MTSS1: variants seen among roughly 807,000 people sequenced by gnomAD.
MTSS1 encodes the protein protein MTSS 1.
In MTSS1, 18 loss-of-function variants were observed where a neutral mutation model predicts 79.0. The observed-to-expected ratio is 0.23, with a 90% CI of 0.16 to 0.34. The LOEUF (loss-of-function observed/expected upper bound fraction) is 0.34. MTSS1 is among the 10% of genes least tolerant of loss of function. The pLI is 1.00. For missense variants in MTSS1, 815 were observed against 986.2 expected, an observed-to-expected ratio of 0.83 and a Z score of 2.33; for synonymous variants, 341 against 368.6, an observed-to-expected ratio of 0.93 and a Z score of 0.86.
chr8:124,621,303 T>C (rs1414155090), intron 3 of MTSS1, among the ~76,000 whole-genome samples: 1 of 152,194 alleles, frequency 6.6e-6, no homozygotes, highest in African/African-American at 2.4e-5. Context: ...TGGTCTTAGG[T>C]TTTGTTTGAG....
chr8:124,554,583 G>A (rs890606257), intron 13 of MTSS1, among the ~76,000 whole-genome samples: 8 of 152,212 alleles, frequency 5.3e-5, no homozygotes, highest in African/African-American at 1.9e-4. Flanking sequence ...TGCCTGACTT[G>A]TGTGTGCAGT....
intron 3 of MTSS1, among the ~76,000 whole-genome samples, chr8:124,612,906 A>G (rs1288117338): frequency 6.6e-6 from 1 of 152,160 alleles, no homozygotes; most frequent in African/African-American, 2.4e-5. Context: ...CAGCCCCACT[A>G]AACAAGTGGA....
chr8:124,633,846 G>T (rs932627664), intron 3 of MTSS1, among the ~76,000 whole-genome samples: 1 of 151,316 alleles, frequency 6.6e-6, no homozygotes, highest in Non-Finnish European at 1.5e-5. Flanking sequence ...TCCTAGTACC[G>T]CCTAAATTTC....
At chr8:124,725,353 T>TC (rs1365576627) in intron 1 of MTSS1, among the ~76,000 whole-genome samples, 15 of 37,864 alleles carry the variant, frequency 4.0e-4, no homozygotes, top group Non-Finnish European at 5.4e-4. Context: ...TTGAAATTAT[T>TC]CCTTTTATTG....
intron 3 of MTSS1, among the ~76,000 whole-genome samples, chr8:124,641,072 A>AC (rs1375111884): frequency 1.3e-5 from 2 of 151,868 alleles, no homozygotes; most frequent in African/African-American, 4.8e-5. Flanking sequence ...AAAAAAAAAA[A>AC]CAAGTCTGGG....
At chr8:124,574,925 T>C (rs1357977970) in intron 6 of MTSS1, among the ~76,000 whole-genome samples, 3 of 152,142 alleles carry the variant, frequency 2.0e-5, no homozygotes, top group South Asian at 4.1e-4. Flanking sequence ...ACCTCACCAA[T>C]CAGGGTGTGT....
At chr8:124,617,939 G>T (rs1812717752) in intron 3 of MTSS1, among the ~76,000 whole-genome samples, 1 of 152,154 alleles carries the variant, frequency 6.6e-6, no homozygotes, top group Non-Finnish European at 1.5e-5. Flanking sequence ...TGGCACATTA[G>T]CCCTCATTAC....
intron 3 of MTSS1, among the ~76,000 whole-genome samples, chr8:124,696,969 G>A (rs763790094): frequency 3.3e-5 from 5 of 152,124 alleles, no homozygotes; most frequent in Non-Finnish European, 4.4e-5. Flanking sequence ...CTTCTGCAGT[G>A]AGGCTCTTTG....
intron 6 of MTSS1, among the ~76,000 whole-genome samples, chr8:124,583,840 T>C (rs925975091): frequency 1.1e-4 from 17 of 152,198 alleles, no homozygotes; most frequent in African/African-American, 3.4e-4. Context: ...TACTTATAAA[T>C]GCTTACCTCT....
At chr8:124,646,184 T>C (rs920892123) in intron 3 of MTSS1, among the ~76,000 whole-genome samples, 1 of 152,228 alleles carries the variant, frequency 6.6e-6, no homozygotes, top group African/African-American at 2.4e-5. Context: ...CTTCTGTCCA[T>C]CTCACTGGAA....
At chr8:124,580,759 T>C (rs1317366506) in intron 6 of MTSS1, 6 of 554,232 alleles carry the variant, frequency 1.1e-5, no homozygotes, top group South Asian at 2.2e-5. Flanking sequence ...GCCTTACTAA[T>C]ATCTTCCTTC....
At chr8:124,605,963 ATTTTTT>A (rs35985246) in intron 3 of MTSS1, among the ~76,000 whole-genome samples, 1 of 106,000 alleles carries the variant, frequency 9.4e-6, no homozygotes. Flanking sequence ...TAGGTATCTC[ATTTTTT>A]TTTTTTTTTT....
intron 3 of MTSS1, among the ~76,000 whole-genome samples, chr8:124,606,221 G>T (rs1834859308): frequency 6.8e-6 from 1 of 147,538 alleles, no homozygotes. Context: ...GGCCCAGGCT[G>T]GAGTACAATG....
chr8:124,629,505 C>CAAAAAAAAA (rs982816199), intron 3 of MTSS1, among the ~76,000 whole-genome samples: 1 of 62,202 alleles, frequency 1.6e-5, no homozygotes, highest in African/African-American at 5.1e-5. Context: ...GACTCCGTCT[C>CAAAAAAAAA]AAAAAAAAAA....
chr8:124,611,388 C>T (rs1004538200), intron 3 of MTSS1, among the ~76,000 whole-genome samples: 4 of 152,162 alleles, frequency 2.6e-5, no homozygotes, highest in Admixed American at 6.5e-5. Context: ...CAAGGAGCGG[C>T]GTGACCTGTG....
chr8:124,646,601 T>C (rs1819037688), intron 3 of MTSS1, among the ~76,000 whole-genome samples: 1 of 152,238 alleles, frequency 6.6e-6, no homozygotes, highest in South Asian at 2.1e-4. Context: ...ACAGAAGAAT[T>C]TGGATGTGAT....
At chr8:124,613,569 T>A (rs907065208) in intron 3 of MTSS1, among the ~76,000 whole-genome samples, 1 of 152,338 alleles carries the variant, frequency 6.6e-6, no homozygotes, top group Non-Finnish European at 1.5e-5. Flanking sequence ...GTGTAACAAT[T>A]GGGAGGAGAG....
chr8:124,656,551 C>T (rs1306490443), intron 3 of MTSS1, among the ~76,000 whole-genome samples: 4 of 151,026 alleles, frequency 2.6e-5, no homozygotes, highest in African/African-American at 7.3e-5. Context: ...ACAGGCAGAT[C>T]ACTTGAGGTC....
chr8:124,708,663 T>C (rs1830720966), intron 1 of MTSS1, among the ~76,000 whole-genome samples: 1 of 152,150 alleles, frequency 6.6e-6, no homozygotes, highest in Non-Finnish European at 1.5e-5. Flanking sequence ...TGCCCCCACT[T>C]GGAGCGTCAT....
Sources: allele counts gnomAD v4.1 joint callset (sites outside exome capture counted in the v4.1 genomes callset), GRCh38; gene constraint gnomAD v4.1.1; transcripts MANE v1.5; gene names NCBI Gene and HGNC (gene_info 2026-07-23, HGNC 2026-07-21).